Variants in CCDC146 observed in about 807,000 individuals in gnomAD.
The protein encoded by CCDC146 is coiled-coil domain-containing protein 146.
CCDC146 carries 92 observed loss-of-function variants against 119.3 expected under a neutral mutation model. The observed-to-expected ratio is 0.77, with a 90% CI of 0.65 to 0.92. The LOEUF is 0.92. Ranked by LOEUF, CCDC146 falls within the 40% of genes least tolerant of loss-of-function variation. The pLI, the probability that CCDC146 is intolerant of heterozygous loss-of-function variation, is 0.00. For synonymous variants in CCDC146, 372 were observed against 371.8 expected (o/e 1.00, Z -0.01); for missense variants, 1,000 against 1,103.0 (o/e 0.91, Z 1.32).
In CCDC146 at chr7:77,259,938, AAGTGTGTGTGTGTG is replaced by A. The variant is rs889736386; in HGVS notation, c.759-70_759-57del. ...AGCCAGCATGGCCTCAAAATAAGGC[AAGTGTGTGTGTGTG>A]TGTGTGTGTGTGTGTGTGTGTGTGT... On this transcript the variant is annotated intron_variant, in intron 7 of 18. Coordinates refer to ENST00000285871, the MANE Select transcript of CCDC146 (RefSeq NM_020879.3). The A allele has an allele frequency of 1.0e-5, 9 of 871,192 alleles. No individual in the cohort carries two copies. The Admixed American group carries it at 1.1e-4, about 11-fold the overall frequency. The allele number at this position is 871,192 out of a possible 1,614,324, so 54.0% of individuals were successfully genotyped here.
chr7:77,291,205 A>G (rs528271450), intron 17 of CCDC146, among the ~76,000 whole-genome samples: 1 of 152,294 alleles, frequency 6.6e-6, no homozygotes, highest in East Asian at 1.9e-4. Context: ...AGGTAAGAGG[A>G]ACTAATGAGT....
chr7:77,143,818 G>A (rs1790974033), intron 1 of CCDC146, among the ~76,000 whole-genome samples: 1 of 151,760 alleles, frequency 6.6e-6, no homozygotes, highest in Non-Finnish European at 1.5e-5. Context: ...GGTTACTGTG[G>A]CCTTGTAGTA....
rs1244680237 is a variant in CCDC146 at position 77,292,942 on chromosome 7, T to C, written c.2416-10T>C. On this transcript the variant is annotated splice_polypyrimidine_tract_variant and intron_variant, in intron 17 of 18. Coordinates refer to ENST00000285871, the MANE Select transcript of CCDC146 (RefSeq NM_020879.3). ...ATACATAGACTAAGCTTTGGGCTCT[T>C]TAATTCTAGATGAATGGCTATCAAA... The C allele has an allele frequency of 6.2e-7, 1 of 1,612,164 alleles. No individual in the cohort carries two copies. Among genetic ancestry groups the C allele is most frequent in the Non-Finnish European group, 8.5e-7 (1 of 1,179,752 alleles).
intron 1 of CCDC146, among the ~76,000 whole-genome samples, chr7:77,153,731 T>C (rs1791140892): frequency 6.7e-6 from 1 of 149,898 alleles, no homozygotes; most frequent in South Asian, 2.1e-4. Context: ...TCAGGCATTT[T>C]GGAAAACAGT....
chr7:77,293,887 C>T (rs1232636182), intron 18 of CCDC146, among the ~76,000 whole-genome samples: 1 of 152,158 alleles, frequency 6.6e-6, no homozygotes, highest in Non-Finnish European at 1.5e-5. Context: ...CCTATTTGCT[C>T]CTGAACTCAA....
intron 2 of CCDC146, among the ~76,000 whole-genome samples, chr7:77,211,983 A>G (rs1792193779): frequency 6.6e-6 from 1 of 152,176 alleles, no homozygotes; most frequent in African/African-American, 2.4e-5. Flanking sequence ...AAACTCCAGG[A>G]GTGTTCCCAT....
chr7:77,130,105 C>T (rs1275701318), intron 1 of CCDC146, among the ~76,000 whole-genome samples: 1 of 152,110 alleles, frequency 6.6e-6, no homozygotes, highest in Non-Finnish European at 1.5e-5. Context: ...ATAAAAAAAT[C>T]ATATGCTGAG....
chr7:77,131,770 A>C (rs1427364350), intron 1 of CCDC146, among the ~76,000 whole-genome samples: 1 of 152,218 alleles, frequency 6.6e-6, no homozygotes, highest in Non-Finnish European at 1.5e-5. Flanking sequence ...CATTTTACAA[A>C]GTGAAAGAAG....
chr7:77,158,795 G>C (rs935540890), intron 1 of CCDC146, among the ~76,000 whole-genome samples: 1 of 152,130 alleles, frequency 6.6e-6, no homozygotes, highest in Non-Finnish European at 1.5e-5. Flanking sequence ...TGGGATTACA[G>C]GCGTAAACCA....
intron 2 of CCDC146, among the ~76,000 whole-genome samples, chr7:77,227,480 T>C (rs1180883875): frequency 6.6e-6 from 1 of 152,186 alleles, no homozygotes; most frequent in African/African-American, 2.4e-5. Flanking sequence ...TAATTTTTTG[T>C]ATTTTTAATA....
chr7:77,157,432 A>G (rs1051666030), intron 1 of CCDC146, among the ~76,000 whole-genome samples: 4 of 150,510 alleles, frequency 2.7e-5, no homozygotes, highest in Non-Finnish European at 5.9e-5. Flanking sequence ...TGGTTTTTAC[A>G]CATGCTCCTT....
intron 4 of CCDC146, chr7:77,246,264 G>C (rs1234834728): frequency 6.6e-6 from 1 of 152,220 alleles, no homozygotes; most frequent in Non-Finnish European, 1.5e-5. Context: ...ACACTTAAAT[G>C]GTTGTTGGAT....
intron 2 of CCDC146, among the ~76,000 whole-genome samples, chr7:77,183,185 C>T (rs1390125905): frequency 6.6e-6 from 1 of 152,038 alleles, no homozygotes; most frequent in Non-Finnish European, 1.5e-5. Flanking sequence ...TCCTCAGAAA[C>T]AGGGCTTCCC....
At chr7:77,127,123 T>C (rs1790699348) in intron 1 of CCDC146, among the ~76,000 whole-genome samples, 1 of 152,062 alleles carries the variant, frequency 6.6e-6, no homozygotes, top group Non-Finnish European at 1.5e-5. Flanking sequence ...GATGCCTGGG[T>C]CCCGTGGGTG....
chr7:77,241,663 G>A lies in CCDC146; in HGVS notation c.240-28G>A, dbSNP rs1246704247. On this transcript the variant is annotated intron_variant, in intron 3 of 18. Coordinates refer to ENST00000285871, the MANE Select transcript of CCDC146 (RefSeq NM_020879.3). ...ACCGAGGATGTACATGTCTCATTATGTGAGTCTCTGTTTTTCATGTAACCC... is the reference window on the plus strand; with the variant it reads ...ACCGAGGATGTACATGTCTCATTATATGAGTCTCTGTTTTTCATGTAACCC... The A allele has an allele frequency of 8.1e-6, 13 of 1,604,336 alleles. No homozygotes were observed. In the East Asian group the frequency reaches 2.7e-4, roughly 33 times the overall value.
chr7:77,219,516 G>A (rs1792362533), intron 2 of CCDC146, among the ~76,000 whole-genome samples: 1 of 152,164 alleles, frequency 6.6e-6, no homozygotes, highest in South Asian at 2.1e-4. Flanking sequence ...AGCTATTTCT[G>A]TTACAAGTCA....
chr7:77,198,387 A>T (rs1308660063), intron 2 of CCDC146: 1 of 918,618 alleles, frequency 1.1e-6, no homozygotes, highest in African/African-American at 1.8e-5. Context: ...GGTCCCAGTG[A>T]CTCAGGTGAA....
At chr7:77,203,931 T>G (rs1421187453) in intron 2 of CCDC146, among the ~76,000 whole-genome samples, 1 of 152,240 alleles carries the variant, frequency 6.6e-6, no homozygotes, top group Non-Finnish European at 1.5e-5. Flanking sequence ...CAGACTTCCT[T>G]TTTGCTTACA....
At chr7:77,257,470 A>G (rs1011419684) in intron 6 of CCDC146, among the ~76,000 whole-genome samples, 3 of 152,212 alleles carry the variant, frequency 2.0e-5, no homozygotes, top group Admixed American at 1.3e-4. Context: ...TGTCCAGAAC[A>G]TAGGACCCTA....
Sources: allele counts gnomAD v4.1 joint callset (sites outside exome capture counted in the v4.1 genomes callset), GRCh38; gene constraint gnomAD v4.1.1; transcripts MANE v1.5; gene names NCBI Gene and HGNC (gene_info 2026-07-23, HGNC 2026-07-21).